AOPEP: variants seen among roughly 807,000 people sequenced by gnomAD.
AOPEP encodes aminopeptidase O.
In AOPEP, 77 loss-of-function variants were observed where a neutral mutation model predicts 98.1. The observed-to-expected ratio is 0.78, with a 90% confidence interval of 0.65 to 0.95. The LOEUF (loss-of-function observed/expected upper bound fraction) is 0.95, where lower values mean the gene tolerates loss of function less well. Among genes scored for constraint, AOPEP ranks in the 40% least tolerant of loss-of-function variants. The pLI, the probability that AOPEP is intolerant of heterozygous loss-of-function variation, is 0.00. For synonymous variants in AOPEP, 346 were observed against 365.3 expected (o/e 0.95, Z 0.60); for missense variants, 1,024 against 1,024.7 (o/e 1.00, Z 0.01).
intron 9 of AOPEP, among the ~76,000 whole-genome samples, chr9:94,966,153 C>A (rs1416164994): frequency 5.8e-5 from 8 of 137,800 alleles, no homozygotes; most frequent in African/African-American, 1.4e-4. Context: ...GTCTGCAGTT[C>A]ACTGGGTGTC....
intron 13 of AOPEP, among the ~76,000 whole-genome samples, chr9:95,039,027 G>C (rs2065068417): frequency 6.6e-6 from 1 of 152,162 alleles, no homozygotes; most frequent in Non-Finnish European, 1.5e-5. Context: ...GTGCCAAAGT[G>C]ACCAGCTCTG....
At chr9:94,782,486 A>C (rs917023067) in intron 3 of AOPEP, among the ~76,000 whole-genome samples, 3 of 152,192 alleles carry the variant, frequency 2.0e-5, no homozygotes, top group Middle Eastern at 3.2e-3. Context: ...TTGTGTGGGA[A>C]ATTCCAGGAA....
intron 6 of AOPEP, among the ~76,000 whole-genome samples, chr9:94,925,725 G>A (rs1343245908): frequency 6.6e-6 from 1 of 152,206 alleles, no homozygotes; most frequent in Non-Finnish European, 1.5e-5. Flanking sequence ...GTGAGGAGAG[G>A]CCACATGATA....
intron 5 of AOPEP, among the ~76,000 whole-genome samples, chr9:94,853,636 G>C (rs2135242831): frequency 6.6e-6 from 1 of 152,234 alleles, no homozygotes; most frequent in East Asian, 1.9e-4. Context: ...AGTGAGATTT[G>C]AAAATGTTGA....
chr9:95,086,685 A>G lies in AOPEP; in HGVS notation c.*8A>G, dbSNP rs772826822. On this transcript the variant is annotated 3_prime_UTR_variant, in exon 17 of 17. Transcript: ENST00000375315. ...GTTACTGCTGTTTCCTTTGCAGGAA[A>G]GACCACAGCAAGATTCTTTCATTCG... The G allele has an allele frequency of 1.8e-4, 177 of 988,074 alleles. No homozygotes were observed. The highest frequency in any genetic ancestry group is 2.1e-4 in the Non-Finnish European group (174 of 830,638). The allele number at this position is 988,074 out of a possible 1,614,324, so 61.2% of individuals were successfully genotyped here.
Position 94,760,446 on chromosome 9 carries a change from C to G in AOPEP, c.663C>G (p.Asp221Glu). ...QAPGCGELLFDTDTWSLQIRK... is the reference protein window; with the variant it reads ...QAPGCGELLFETDTWSLQIRK... ...CTGGCTGTGGGGAACTCCTCTTTGA[C>G]ACTGACACTTGGAGCTTGCAGATAA... Residue 221 changes from aspartate to glutamate, a missense_variant, in exon 2 of 17, where the codon GAC (aspartate) becomes GAG (glutamate). Asp to Glu is a conservative substitution (Grantham distance 45). Coordinates refer to ENST00000375315, the MANE Select transcript of AOPEP (RefSeq NM_001193329.3). 6.2e-7 allele frequency: 1 copy of G among 1,613,886 alleles called. No individual in the cohort carries two copies. Among genetic ancestry groups the G allele is most frequent in the Non-Finnish European group, 8.5e-7 (1 of 1,179,878 alleles).
In AOPEP at chr9:94,880,870, G is replaced by A. The variant is rs554238778; in HGVS notation, c.1365-43116G>A. ...ATACCCTGCCTGATATTTTCCTTCTGAGACTTTGGCATAGGACCCACGAAC... is the reference window on the plus strand; with the variant it reads ...ATACCCTGCCTGATATTTTCCTTCTAAGACTTTGGCATAGGACCCACGAAC... On this transcript the variant is annotated intron_variant, in intron 5 of 16. Coordinates refer to ENST00000375315, the MANE Select transcript of AOPEP (RefSeq NM_001193329.3). 6.0e-4 allele frequency among the ~76,000 whole-genome samples: 91 copies of A among 152,200 alleles called. 1 individual carries two copies. Among genetic ancestry groups the A allele is most frequent in the African/African-American group, 2.0e-3 (85 of 41,516 alleles).
intron 13 of AOPEP, among the ~76,000 whole-genome samples, chr9:95,039,616 A>G (rs1323592793): frequency 6.6e-6 from 1 of 152,192 alleles, no homozygotes; most frequent in Non-Finnish European, 1.5e-5. Flanking sequence ...AGGAATTCCT[A>G]TCCTATAATT....
the AOPEP span, among the ~76,000 whole-genome samples, chr9:95,112,007 AG>A: frequency 6.6e-5 from 10 of 152,184 alleles, no homozygotes; most frequent in Admixed American, 6.5e-4. Flanking sequence ...AAAGAGGTGG[AG>A]GGTAGGACGC....
chr9:95,126,496 A>G, the AOPEP span: 1 of 1,600,270 alleles, frequency 6.2e-7, no homozygotes, highest in Admixed American at 1.7e-5. Context: ...CCTTTTTTAC[A>G]TCAATTACTA....
intron 1 of AOPEP, among the ~76,000 whole-genome samples, chr9:94,755,734 G>A (rs904629446): frequency 2.6e-5 from 4 of 152,198 alleles, no homozygotes; most frequent in Admixed American, 6.5e-5. Flanking sequence ...AGACCTGGGA[G>A]ATGAGAATTC....
intron 11 of AOPEP, among the ~76,000 whole-genome samples, chr9:94,995,525 T>G (rs568263129): frequency 6.6e-6 from 1 of 152,272 alleles, no homozygotes; most frequent in Non-Finnish European, 1.5e-5. Flanking sequence ...CTGAAACAGT[T>G]AAGTCACATT....
chr9:95,111,018 C>G, the AOPEP span: 9 of 1,438,478 alleles, frequency 6.3e-6, 1 homozygote, highest in South Asian at 1.3e-4. Flanking sequence ...TTGACTGATC[C>G]AAGAAAGGAG....
chr9:95,117,865 G>A, the AOPEP span, among the ~76,000 whole-genome samples: 1 of 151,766 alleles, frequency 6.6e-6, no homozygotes, highest in East Asian at 1.9e-4. Context: ...GGGATTACAG[G>A]CATGCGCCAC....
downstream of AOPEP, among the ~76,000 whole-genome samples, chr9:95,088,506 G>GCC (rs1554825549): frequency 5.4e-5 from 5 of 92,894 alleles, no homozygotes; most frequent in African/African-American, 1.7e-4. Context: ...ACTGTACCCG[G>GCC]CCTCTCTCTC....
In AOPEP at chr9:94,930,111, C is replaced by A. The variant is rs1284553789; in HGVS notation, c.1661+1580C>A. 6.6e-6 allele frequency among the ~76,000 whole-genome samples: 1 copy of A among 152,194 alleles called. No individual in the cohort carries two copies. The highest frequency in any genetic ancestry group is 1.5e-5 in the Non-Finnish European group (1 of 68,038). On this transcript the variant is annotated intron_variant, in intron 7 of 16. Transcript: ENST00000375315. The surrounding 1 kb of genome is among the most constrained non-coding windows in gnomAD (Gnocchi z 4.5). ...CTCTGCTGCTGTGTGGAGAGCACCA[C>A]AGGCAGCCGACGGAAAGCCAGGAGA...
At chr9:95,119,180 C>A in the AOPEP span, among the ~76,000 whole-genome samples, 462 of 152,258 alleles carry the variant, frequency 3.0e-3, 4 homozygotes, top group African/African-American at 0.01. Context: ...GTGCTTACTG[C>A]CAACTTATGT....
At chr9:94,897,588 C>A (rs961385798) in intron 5 of AOPEP, among the ~76,000 whole-genome samples, 15 of 152,092 alleles carry the variant, frequency 9.9e-5, no homozygotes, top group Non-Finnish European at 2.9e-5. Flanking sequence ...CTTCAAACTT[C>A]TAATTGAAAG....
At chr9:94,957,666 A>G (rs912232065) in intron 9 of AOPEP, among the ~76,000 whole-genome samples, 1 of 152,206 alleles carries the variant, frequency 6.6e-6, no homozygotes, top group Non-Finnish European at 1.5e-5. Flanking sequence ...ATTTTAGTAC[A>G]TATTCACCAA....
Sources: gnomAD v4.1 joint callset for allele counts (sites outside exome capture counted in the v4.1 genomes callset) on GRCh38, gnomAD v4.1.1 for gene constraint, Gnocchi (gnomAD v3.1) non-coding constraint, MANE v1.5 for transcripts, NCBI Gene and HGNC (gene_info 2026-07-23, HGNC 2026-07-21) for gene names.